Variants in FAM193A observed in about 807,000 individuals in gnomAD.
FAM193A encodes the protein protein FAM193A.
In FAM193A, 22 loss-of-function variants were observed where a neutral mutation model predicts 126.5. The ratio of observed to expected loss-of-function variants is 0.17; its 90% CI spans 0.12 to 0.25. The LOEUF (loss-of-function observed/expected upper bound fraction) is 0.25, where lower values mean the gene tolerates loss of function less well. Among genes scored for constraint, FAM193A ranks in the 10% least tolerant of loss-of-function variants. The pLI, the probability that FAM193A is intolerant of heterozygous loss-of-function variation, is 1.00. For missense variants in FAM193A, 1,675 were observed against 1,672.8 expected, an observed-to-expected ratio of 1.00 and a Z score of -0.02; for synonymous variants, 761 against 646.8, an observed-to-expected ratio of 1.18 and a Z score of -2.68.
chr4:2,671,704 G>A (rs965690048), intron 12 of FAM193A, among the ~76,000 whole-genome samples: 3 of 152,188 alleles, frequency 2.0e-5, no homozygotes, highest in African/African-American at 4.8e-5. Flanking sequence ...CACCGTAACC[G>A]GAAGTCGCGT....
chr4:2,544,073 A>G (rs544108045), intron 1 of FAM193A, among the ~76,000 whole-genome samples: 2 of 152,190 alleles, frequency 1.3e-5, no homozygotes, highest in South Asian at 4.2e-4. Context: ...TCTAGTTCAT[A>G]TTTGCCTAGT....
At chr4:2,630,000 C>T (rs1413444735) in intron 4 of FAM193A, among the ~76,000 whole-genome samples, 2 of 151,820 alleles carry the variant, frequency 1.3e-5, no homozygotes, top group African/African-American at 2.4e-5. Flanking sequence ...GGCGTGGTGG[C>T]GGGCACCTGT....
At position 2,664,151 on chromosome 4, in the gene FAM193A, A is replaced by G. The variant is rs574474273; in HGVS notation, c.2079+863A>G. On this transcript the variant is annotated intron_variant, in intron 12 of 20. Transcript: ENST00000637812. ...TCCTTACCAGTTTTTTCTTCTACGT[A>G]TAATGTTTTTGATGTCTTATCCAAG... 7.2e-5 allele frequency among the ~76,000 whole-genome samples: 11 copies of G among 152,258 alleles called. No homozygotes were observed. In the South Asian group the frequency reaches 8.3e-4, roughly 11 times the overall value.
chr4:2,696,202 A>G, intron 17 of FAM193A, 161 bp from the exon 18 acceptor site: 1 of 583,336 alleles, frequency 1.7e-6, no homozygotes. Flanking sequence ...TGACTTGCTG[A>G]TAGGTTTTTC....
At chr4:2,604,819 G>A (rs1421132647) in intron 2 of FAM193A, among the ~76,000 whole-genome samples, 8 of 127,192 alleles carry the variant, frequency 6.3e-5, no homozygotes, top group Non-Finnish European at 1.6e-5. Context: ...TTTTTTGGTG[G>A]CAAGGCCTCT....
chr4:2,674,467 G>GC (rs975399240), intron 13 of FAM193A, among the ~76,000 whole-genome samples: 1 of 152,326 alleles, frequency 6.6e-6, no homozygotes. Context: ...GGATTGTTGG[G>GC]CAAGAAGTTC....
At chr4:2,672,008 A>C in intron 12 of FAM193A, 113 bp from the exon 13 acceptor site, 1 of 1,173,108 alleles carries the variant, frequency 8.5e-7, no homozygotes, top group Non-Finnish European at 1.2e-6. Flanking sequence ...GTGTCAGGAA[A>C]AGCCCACTTA....
chr4:2,663,004 C>T lies in FAM193A; in HGVS notation c.1899+13C>T. Reference sequence around the variant, plus strand: ...CCTGAAGGATGAGGTATGGACATGGCTTCTTCGTAGCAACAATAAATGACA... The same window carrying T: ...CCTGAAGGATGAGGTATGGACATGGTTTCTTCGTAGCAACAATAAATGACA... On this transcript the variant is annotated intron_variant, in intron 11 of 20. Transcript: ENST00000637812. 6.2e-7 allele frequency: 1 copy of T among 1,602,374 alleles called. No homozygotes were observed. The highest frequency in any genetic ancestry group is 8.5e-7 in the Non-Finnish European group (1 of 1,170,166).
chr4:2,613,016 A>C (rs1741969003), intron 2 of FAM193A, among the ~76,000 whole-genome samples: 2 of 152,220 alleles, frequency 1.3e-5, no homozygotes, highest in African/African-American at 4.8e-5. Context: ...GGGAGAATTG[A>C]AACCTTAACA....
At chr4:2,718,640 T>G (rs1323987893) in intron 20 of FAM193A, among the ~76,000 whole-genome samples, 2 of 152,066 alleles carry the variant, frequency 1.3e-5, no homozygotes, top group Non-Finnish European at 2.9e-5. Context: ...GGTGGGAGGA[T>G]GGGTTGAGCC....
intron 18 of FAM193A, among the ~76,000 whole-genome samples, chr4:2,698,044 C>G (rs1364983563): frequency 6.6e-6 from 1 of 152,224 alleles, no homozygotes; most frequent in African/African-American, 2.4e-5. Flanking sequence ...AGCACCCAGT[C>G]CCACCTCGAG....
rs557844762 is a variant in FAM193A, at chr4:2,693,671, C to T, written c.2889C>T (p.Pro963=). 1.2e-6 allele frequency: 2 copies of T among 1,614,162 alleles called. No individual in the cohort carries two copies. Among genetic ancestry groups the T allele is most frequent in the South Asian group, 1.1e-5 (1 of 91,086 alleles). ...GGAATAGCCCCACGGGCTTGGCCCC[C>T]CTCCCAGCGCTCTCGCCTGCTGCGC... The part of the protein sequence containing the change: ...APRNSPTGLA[P]LPALSPAALS... The change falls in exon 16 of 21, where the codon CCC becomes CCT. Residue 963 remains proline (P), a synonymous_variant. Transcript: ENST00000637812.
intron 1 of FAM193A, among the ~76,000 whole-genome samples, chr4:2,578,000 AAT>A (rs1739705130): frequency 6.6e-6 from 1 of 152,174 alleles, no homozygotes; most frequent in African/African-American, 2.4e-5. Flanking sequence ...AGCTACTGGG[AAT>A]ATAATGACTA....
intron 2 of FAM193A, among the ~76,000 whole-genome samples, chr4:2,598,313 T>C (rs1191100655): frequency 6.6e-6 from 1 of 152,252 alleles, no homozygotes; most frequent in Non-Finnish European, 1.5e-5. Flanking sequence ...TTCTCTTTTT[T>C]ATTGAGTAAT....
intron 10 of FAM193A, 85 bp downstream of exon 10, chr4:2,660,139 T>G: frequency 7.2e-7 from 1 of 1,391,946 alleles, no homozygotes. Flanking sequence ...CACAGAAGTA[T>G]GAACATCATT....
Position 2,651,147 on chromosome 4 carries a change from A to C in FAM193A, c.1311+4315A>C, listed in dbSNP as rs183056065. 9.1e-4 allele frequency among the ~76,000 whole-genome samples: 139 copies of C among 152,318 alleles called. 1 individual carries two copies. In the East Asian group the frequency reaches 0.024, roughly 26 times the overall value. On this transcript the variant is annotated intron_variant, in intron 7 of 20. Transcript: ENST00000637812. ...GGAGTTCAAGACCAGCCTGGCCAGCATGGAGAAACCCCGTCTCTACTAAAA... is the reference window on the plus strand; with the variant it reads ...GGAGTTCAAGACCAGCCTGGCCAGCCTGGAGAAACCCCGTCTCTACTAAAA...
intron 2 of FAM193A, among the ~76,000 whole-genome samples, chr4:2,601,227 CTTTTTTTTTTT>C (rs1201989388): frequency 9.0e-6 from 1 of 110,668 alleles, no homozygotes; most frequent in East Asian, 2.7e-4. Context: ...TCTTCTTCTT[CTTTTTTTTTTT>C]TTTTTTTTTC....
At chr4:2,723,871 G>A (rs114320834) in intron 20 of FAM193A, among the ~76,000 whole-genome samples, 1,882 of 152,092 alleles carry the variant, frequency 0.012, 34 homozygotes, top group African/African-American at 0.043. Context: ...GTGCAATCAC[G>A]GCTCACTGCA....
chr4:2,645,206 G>T (rs1185282823), intron 6 of FAM193A, among the ~76,000 whole-genome samples: 1 of 152,174 alleles, frequency 6.6e-6, no homozygotes, highest in Non-Finnish European at 1.5e-5. Flanking sequence ...GAATCTTTGT[G>T]CTCTTGATAT....
Sources: allele counts gnomAD v4.1 joint callset (sites outside exome capture counted in the v4.1 genomes callset), GRCh38; gene constraint gnomAD v4.1.1; transcripts MANE v1.5; gene names NCBI Gene and HGNC (gene_info 2026-07-23, HGNC 2026-07-21).